Variants in CNTNAP2 observed in about 807,000 individuals in gnomAD.
CNTNAP2 encodes contactin-associated protein-like 2.
In CNTNAP2, 98 loss-of-function variants were observed where a neutral mutation model predicts 155.2. That is an observed-to-expected ratio of 0.63 (90% CI 0.54 to 0.75). CNTNAP2 has a LOEUF of 0.75. CNTNAP2 is among the 30% of genes least tolerant of loss of function. CNTNAP2 has a pLI of 0.00. For missense variants in CNTNAP2, 1,727 were observed against 1,688.1 expected, an observed-to-expected ratio of 1.02 and a Z score of -0.40; for synonymous variants, 651 against 631.2, an observed-to-expected ratio of 1.03 and a Z score of -0.47.
chr7:147,322,534 C>A (rs1037117850), intron 9 of CNTNAP2, among the ~76,000 whole-genome samples: 28 of 151,734 alleles, frequency 1.8e-4, no homozygotes, highest in Admixed American at 1.7e-3. Context: ...GTCTAAAATT[C>A]TCTTTTTTGG....
At chr7:147,148,412 G>A (rs1801756284) in intron 8 of CNTNAP2, among the ~76,000 whole-genome samples, 1 of 151,666 alleles carries the variant, frequency 6.6e-6, no homozygotes, top group East Asian at 1.9e-4. Flanking sequence ...AAAAAAAGTG[G>A]TGGGTATTCA....
chr7:146,293,140 TA>T (rs966452418), intron 1 of CNTNAP2, among the ~76,000 whole-genome samples: 40 of 152,210 alleles, frequency 2.6e-4, no homozygotes, highest in African/African-American at 8.4e-4. Flanking sequence ...AATTTACAAT[TA>T]AAAAATAAAT....
chr7:148,311,380 A>G (rs1797592396), intron 21 of CNTNAP2, among the ~76,000 whole-genome samples: 1 of 152,146 alleles, frequency 6.6e-6, no homozygotes. Context: ...AGAAACGGCT[A>G]GGAGAGAATG....
intron 13 of CNTNAP2, among the ~76,000 whole-genome samples, chr7:147,775,867 T>G (rs897157509): frequency 2.6e-5 from 4 of 152,166 alleles, no homozygotes; most frequent in Admixed American, 2.6e-4. Flanking sequence ...GAATAGGGAA[T>G]AGTTTGGGAA....
At chr7:147,045,324 T>A (rs1361110359) in intron 4 of CNTNAP2, among the ~76,000 whole-genome samples, 1 of 152,166 alleles carries the variant, frequency 6.6e-6, no homozygotes, top group African/African-American at 2.4e-5. Flanking sequence ...ACACTTAGTA[T>A]TTTATATAAA....
At chr7:147,779,768 T>A (rs1258715671) in intron 13 of CNTNAP2, among the ~76,000 whole-genome samples, 1 of 152,204 alleles carries the variant, frequency 6.6e-6, no homozygotes, top group Non-Finnish European at 1.5e-5. Flanking sequence ...CCTTAAAACT[T>A]GCTATCTCCT....
intron 1 of CNTNAP2, among the ~76,000 whole-genome samples, chr7:146,433,703 C>T (rs1796203774): frequency 6.6e-6 from 1 of 152,066 alleles, no homozygotes; most frequent in Admixed American, 6.6e-5. Context: ...TCCCTCATCA[C>T]GCTGTGTTGT....
At chr7:146,197,860 T>G (rs1798798645) in intron 1 of CNTNAP2, among the ~76,000 whole-genome samples, 1 of 152,148 alleles carries the variant, frequency 6.6e-6, no homozygotes. Flanking sequence ...TACCTGAGAC[T>G]GGATAATTTA....
intron 4 of CNTNAP2, among the ~76,000 whole-genome samples, chr7:147,095,990 T>C (rs1800524102): frequency 6.6e-6 from 1 of 152,218 alleles, no homozygotes; most frequent in Non-Finnish European, 1.5e-5. Context: ...CTTTTTCTTT[T>C]ATTTACATTA....
At chr7:147,010,952 T>C (rs1608628) in intron 3 of CNTNAP2, among the ~76,000 whole-genome samples, 1 of 151,826 alleles carries the variant, frequency 6.6e-6, no homozygotes, top group African/African-American at 2.4e-5. Context: ...GCTGGCATGT[T>C]ATCAAAGTTA....
intron 14 of CNTNAP2, among the ~76,000 whole-genome samples, chr7:147,913,115 T>C (rs1317818895): frequency 2.0e-5 from 3 of 152,176 alleles, no homozygotes; most frequent in Non-Finnish European, 4.4e-5. Context: ...TATGATTTCA[T>C]GGGAGAAAAA....
chr7:146,256,669 A>G (rs537830359), intron 1 of CNTNAP2, among the ~76,000 whole-genome samples: 9 of 152,200 alleles, frequency 5.9e-5, no homozygotes, highest in Non-Finnish European at 1.2e-4. Flanking sequence ...CTAAGAAAAT[A>G]TAAGAAAATA....
At chr7:147,271,209 T>G (rs1025905807) in intron 8 of CNTNAP2, among the ~76,000 whole-genome samples, 1 of 152,206 alleles carries the variant, frequency 6.6e-6, no homozygotes, top group African/African-American at 2.4e-5. Flanking sequence ...TAAGTTGATA[T>G]TCCTTTAAAA....
chr7:146,875,995 C>CATCTTTTTG lies in CNTNAP2; in HGVS notation c.402+36092_402+36100dup, dbSNP rs779037831. Among the ~76,000 whole-genome samples the CATCTTTTTG allele has an allele frequency of 2.4e-3, 246 of 101,800 alleles. 1 individual carries two copies. The highest frequency in any genetic ancestry group is 3.5e-3 in the Non-Finnish European group (162 of 46,830). The allele number at this position is 101,800 out of a possible 152,430, so 66.8% of individuals were successfully genotyped here. A position where few individuals can be genotyped will look rare whatever the true frequency, so the allele number is the denominator to read the frequency against. The stretch of plus-strand genomic sequence containing the variant: ...AAAAAAACGAGAAGAAGAACAAAAA[C>CATCTTTTTG]ATCTTTTTGGGGGCAGGAGTTGCAG... On this transcript the variant is annotated intron_variant, in intron 3 of 23. Transcript: ENST00000361727.
intron 15 of CNTNAP2, among the ~76,000 whole-genome samples, chr7:147,984,487 T>C (rs1801583487): frequency 6.6e-6 from 1 of 152,114 alleles, no homozygotes; most frequent in Admixed American, 6.5e-5. Context: ...ATCTACCTAG[T>C]TCCAAAGTCC....
At chr7:146,761,200 A>G (rs958066684) in intron 1 of CNTNAP2, among the ~76,000 whole-genome samples, 2 of 152,094 alleles carry the variant, frequency 1.3e-5, no homozygotes, top group African/African-American at 4.8e-5. Flanking sequence ...GTCCACCCTA[A>G]TAGGGTTAAT....
intron 1 of CNTNAP2, among the ~76,000 whole-genome samples, chr7:146,550,461 G>C (rs1293082407): frequency 2.5e-5 from 3 of 119,274 alleles, no homozygotes; most frequent in African/African-American, 1.0e-4. Context: ...TGATAATATG[G>C]GTGCTTGGGA....
chr7:147,304,239 C>A (rs1385017058), intron 9 of CNTNAP2, among the ~76,000 whole-genome samples: 2 of 151,924 alleles, frequency 1.3e-5, no homozygotes, highest in Non-Finnish European at 2.9e-5. Flanking sequence ...GATAAGCAGA[C>A]AAAGAGATCC....
intron 17 of CNTNAP2, among the ~76,000 whole-genome samples, chr7:148,166,336 G>A (rs1805657715): frequency 6.6e-6 from 1 of 152,114 alleles, no homozygotes; most frequent in Admixed American, 6.5e-5. Context: ...TAGTAGGCGT[G>A]AAATAAATAT....
Sources: allele counts gnomAD v4.1 joint callset (sites outside exome capture counted in the v4.1 genomes callset), GRCh38; gene constraint gnomAD v4.1.1; transcripts MANE v1.5; gene names NCBI Gene and HGNC (gene_info 2026-07-23, HGNC 2026-07-21).